MUSK: variants seen among roughly 807,000 people sequenced by gnomAD.
MUSK encodes muscle, skeletal receptor tyrosine-protein kinase.
In MUSK, 55 loss-of-function variants were observed where a neutral mutation model predicts 88.7. The ratio of observed to expected loss-of-function variants is 0.62; its 90% CI spans 0.50 to 0.78. The LOEUF is 0.78. Among genes scored for constraint, MUSK ranks in the 30% least tolerant of loss-of-function variants. The probability of loss-of-function intolerance (pLI) is 0.00; values close to 1 mark genes in which losing one functional copy is unlikely to be tolerated. For synonymous variants in MUSK, 387 were observed against 391.9 expected, an observed-to-expected ratio of 0.99 and a Z score of 0.15; for missense variants, 1,015 against 1,074.3, an observed-to-expected ratio of 0.94 and a Z score of 0.77.
intron 5 of MUSK, among the ~76,000 whole-genome samples, chr9:110,713,366 T>A (rs2076701688): frequency 6.6e-6 from 1 of 151,702 alleles, no homozygotes; most frequent in African/African-American, 2.4e-5. Context: ...TTCAAGCGAT[T>A]CTTATGCTTC....
intron 5 of MUSK, among the ~76,000 whole-genome samples, chr9:110,711,016 G>A (rs979707674): frequency 6.6e-6 from 1 of 151,976 alleles, no homozygotes; most frequent in Non-Finnish European, 1.5e-5. Flanking sequence ...ACCAAACACC[G>A]CATGTTCTCA....
chr9:110,775,494 A>G (rs1434662187), intron 9 of MUSK: 1 of 376,318 alleles, frequency 2.7e-6, no homozygotes, highest in Non-Finnish European at 5.0e-6. Context: ...AGTTGGGAGA[A>G]GACATATCAG....
chr9:110,689,733 ATATATAATATT>A (rs2076277536), intron 3 of MUSK, among the ~76,000 whole-genome samples: 1 of 9,936 alleles, frequency 1.0e-4, no homozygotes, highest in Non-Finnish European at 1.8e-4. Context: ...TATATAGTTT[ATATATAATATT>A]ATATATTATA....
intron 13 of MUSK, among the ~76,000 whole-genome samples, chr9:110,787,378 AAAAAG>A (rs2077890611): frequency 6.6e-6 from 1 of 150,898 alleles, no homozygotes; most frequent in Admixed American, 6.6e-5. Flanking sequence ...AAAAAAAAAA[AAAAAG>A]GTTAGGATGG....
intron 13 of MUSK, 59 bp downstream of exon 13, chr9:110,785,777 C>A: frequency 1.5e-6 from 2 of 1,294,406 alleles, no homozygotes; most frequent in Non-Finnish European, 2.1e-6. Flanking sequence ...GAAAAGCTAC[C>A]AAACTATTAG....
chr9:110,689,704 TA>T (rs2076272304), intron 3 of MUSK, among the ~76,000 whole-genome samples: 1 of 45,442 alleles, frequency 2.2e-5, no homozygotes, highest in Admixed American at 2.6e-4. Context: ...TATATATAAA[TA>T]TATAACTATA....
intron 5 of MUSK, among the ~76,000 whole-genome samples, chr9:110,722,281 G>A (rs572278391): frequency 1.3e-5 from 2 of 152,254 alleles, no homozygotes; most frequent in East Asian, 3.9e-4. Context: ...TGTAATCCCT[G>A]CACTTTGGGA....
At chr9:110,713,558 C>A (rs959187476) in intron 5 of MUSK, among the ~76,000 whole-genome samples, 2 of 152,058 alleles carry the variant, frequency 1.3e-5, no homozygotes, top group Non-Finnish European at 2.9e-5. Context: ...CCATGCCTAG[C>A]CCTCTCTTAG....
At chr9:110,700,916 G>T (rs1326567710) in intron 5 of MUSK, among the ~76,000 whole-genome samples, 1 of 152,076 alleles carries the variant, frequency 6.6e-6, no homozygotes. Flanking sequence ...TAAATTATAT[G>T]GTTACTCTCC....
Position 110,690,146 on chromosome 9 carries a change from ATATT to A in MUSK, c.358+2881_358+2884del, listed in dbSNP as rs1225229784. Among the ~76,000 whole-genome samples, 5 of 106,592 alleles carry A rather than the reference ATATT, an allele frequency of 4.7e-5. 1 individual carries two copies. The highest frequency in any genetic ancestry group is 6.3e-4 in the South Asian group (2 of 3,156). The allele number at this position is 106,592 out of a possible 152,430, so 69.9% of individuals were successfully genotyped here. A position where few individuals can be genotyped will look rare whatever the true frequency, so the allele number is the denominator to read the frequency against. ...TATATAAGTATAAATATAGAAATAT[ATATT>A]TAAGTATAAATATATAAATATATAA... On this transcript the variant is annotated intron_variant, in intron 3 of 14. Transcript: ENST00000374448.
chr9:110,745,282 G>C (rs2077160581), intron 6 of MUSK, among the ~76,000 whole-genome samples: 1 of 152,126 alleles, frequency 6.6e-6, no homozygotes, highest in South Asian at 2.1e-4. Flanking sequence ...AGGTGTTTAA[G>C]AATGACTTTC....
At chr9:110,725,351 TAGTA>T (rs1375685750) in intron 5 of MUSK, among the ~76,000 whole-genome samples, 3 of 151,970 alleles carry the variant, frequency 2.0e-5, no homozygotes, top group African/African-American at 7.2e-5. Context: ...GTCTTATAGA[TAGTA>T]AGTATAAAGA....
intron 3 of MUSK, among the ~76,000 whole-genome samples, chr9:110,694,917 A>G (rs1054431034): frequency 1.3e-4 from 20 of 152,146 alleles, no homozygotes; most frequent in African/African-American, 4.8e-4. Context: ...TAGAGAATGA[A>G]TGTATTTAAT....
chr9:110,764,421 G>A (rs1465388582), intron 8 of MUSK, among the ~76,000 whole-genome samples: 1 of 152,140 alleles, frequency 6.6e-6, no homozygotes, highest in African/African-American at 2.4e-5. Flanking sequence ...GGGTTTGAGG[G>A]ACAAAATGTT....
chr9:110,777,645 T>A (rs1352124036), intron 11 of MUSK, among the ~76,000 whole-genome samples: 1 of 152,144 alleles, frequency 6.6e-6, no homozygotes, highest in East Asian at 1.9e-4. Context: ...TACTGTGCTC[T>A]TTGTTATCCA....
chr9:110,695,177 T>A (rs1196637795), intron 3 of MUSK, among the ~76,000 whole-genome samples: 1 of 152,172 alleles, frequency 6.6e-6, no homozygotes, highest in Non-Finnish European at 1.5e-5. Context: ...TAAATTTGTG[T>A]TTTGCTAGTA....
intron 3 of MUSK, among the ~76,000 whole-genome samples, chr9:110,690,028 T>C (rs2076300690): frequency 1.0e-5 from 1 of 95,744 alleles, no homozygotes; most frequent in Non-Finnish European, 1.8e-5. Context: ...ATATATATTA[T>C]ATATTAATAT....
At chr9:110,737,978 G>A (rs891596376) in intron 6 of MUSK, among the ~76,000 whole-genome samples, 1 of 152,088 alleles carries the variant, frequency 6.6e-6, no homozygotes, top group East Asian at 1.9e-4. Context: ...ATACATTATA[G>A]CTCCCAGAGT....
chr9:110,755,965 C>CGTATATATATACAT (rs1554750841), intron 7 of MUSK, among the ~76,000 whole-genome samples: 6 of 81,638 alleles, frequency 7.3e-5, no homozygotes, highest in African/African-American at 1.9e-4. Flanking sequence ...TATATATATA[C>CGTATATATATACAT]ATATATATAT....
Sources: gnomAD v4.1 joint callset for allele counts (sites outside exome capture counted in the v4.1 genomes callset) on GRCh38, gnomAD v4.1.1 for gene constraint, MANE v1.5 for transcripts, NCBI Gene and HGNC (gene_info 2026-07-23, HGNC 2026-07-21) for gene names.